Variants in C1orf185 observed in about 807,000 individuals in gnomAD.
The protein encoded by C1orf185 is uncharacterized protein C1orf185.
Under a neutral mutation model 16.1 loss-of-function variants are expected in C1orf185, and 13 were observed. The ratio of observed to expected loss-of-function variants is 0.81; its 90% CI spans 0.53 to 1.28. The LOEUF (loss-of-function observed/expected upper bound fraction) is 1.28. C1orf185 is among the 50% of genes most tolerant of loss of function. The probability of loss-of-function intolerance (pLI) is 0.00; values close to 1 mark genes in which losing one functional copy is unlikely to be tolerated. For missense variants in C1orf185, 220 were observed against 225.2 expected (o/e 0.98, Z 0.15); for synonymous variants, 80 against 76.9 (o/e 1.04, Z -0.21).
chr1:51,147,098 T>C (rs577306382), intron 4 of C1orf185, among the ~76,000 whole-genome samples: 6 of 152,292 alleles, frequency 3.9e-5, no homozygotes, highest in Admixed American at 3.3e-4. Flanking sequence ...TCTCAGAAAG[T>C]TGAATTTGTA....
At chr1:51,138,731 A>C (rs1646344140) in intron 3 of C1orf185, among the ~76,000 whole-genome samples, 1 of 151,820 alleles carries the variant, frequency 6.6e-6, no homozygotes. Flanking sequence ...TCTATCGCCC[A>C]GGCTGTAGTG....
chr1:51,108,517 T>C (rs1011521389), intron 1 of C1orf185, among the ~76,000 whole-genome samples: 8 of 152,174 alleles, frequency 5.3e-5, no homozygotes, highest in Admixed American at 4.6e-4. Flanking sequence ...CATCAAACAT[T>C]AGAGAACATA....
chr1:51,106,940 G>A (rs2148008365), intron 1 of C1orf185, among the ~76,000 whole-genome samples: 1 of 152,148 alleles, frequency 6.6e-6, no homozygotes, highest in African/African-American at 2.4e-5. Flanking sequence ...TGTATTTTTA[G>A]TAGAGACAGG....
chr1:51,109,515 A>AT (rs36020010), intron 1 of C1orf185, among the ~76,000 whole-genome samples: 121,771 of 150,576 alleles, frequency 0.81, 51,768 homozygotes, highest in South Asian at 0.94. Context: ...CATTTCCCCT[A>AT]TTTTTTTTTC....
intron 1 of C1orf185, among the ~76,000 whole-genome samples, chr1:51,106,385 T>C (rs909847435): frequency 2.0e-5 from 3 of 152,000 alleles, no homozygotes; most frequent in African/African-American, 4.8e-5. Context: ...CTTTTTTTTT[T>C]AAACAAAATT....
intron 3 of C1orf185, among the ~76,000 whole-genome samples, chr1:51,141,299 T>G (rs1207045078): frequency 6.6e-6 from 1 of 152,094 alleles, no homozygotes; most frequent in Non-Finnish European, 1.5e-5. Flanking sequence ...AGACTAGCCT[T>G]GGCAACACAG....
intron 3 of C1orf185, among the ~76,000 whole-genome samples, chr1:51,121,669 G>C (rs1159295716): frequency 6.6e-6 from 1 of 151,810 alleles, no homozygotes; most frequent in Non-Finnish European, 1.5e-5. Context: ...GACCTCTATG[G>C]GGCAGGAGGA....
downstream of C1orf185, among the ~76,000 whole-genome samples, chr1:51,149,632 T>C (rs2148036390): frequency 6.6e-6 from 1 of 152,310 alleles, no homozygotes; most frequent in Admixed American, 6.5e-5. Flanking sequence ...AGATAAGAGA[T>C]TCTGGCTTTC....
intron 1 of C1orf185, among the ~76,000 whole-genome samples, chr1:51,106,836 C>A (rs1001875266): frequency 1.1e-4 from 16 of 150,568 alleles, no homozygotes; most frequent in African/African-American, 3.7e-4. Flanking sequence ...CAGCTCACTG[C>A]AACCTCCAAC....
chr1:51,127,223 T>A (rs1646248051), intron 3 of C1orf185, among the ~76,000 whole-genome samples: 1 of 152,110 alleles, frequency 6.6e-6, no homozygotes, highest in Non-Finnish European at 1.5e-5. Context: ...CTAAGAAAAT[T>A]CTCTCATGTC....
chr1:51,120,967 TTTTA>T (rs1473020553), intron 3 of C1orf185, among the ~76,000 whole-genome samples: 1 of 152,320 alleles, frequency 6.6e-6, no homozygotes, highest in East Asian at 1.9e-4. Context: ...TTCAGGATTC[TTTTA>T]TTTATTTTTT....
chr1:51,109,714 A>G (rs1646101971), intron 1 of C1orf185, among the ~76,000 whole-genome samples: 1 of 151,918 alleles, frequency 6.6e-6, no homozygotes, highest in Non-Finnish European at 1.5e-5. Flanking sequence ...ATGTAGATTT[A>G]TTTCTGGGTT....
intron 2 of C1orf185, among the ~76,000 whole-genome samples, chr1:51,118,349 T>C (rs1454243801): frequency 6.6e-6 from 1 of 152,220 alleles, no homozygotes; most frequent in East Asian, 1.9e-4. Context: ...ACTAATTTTC[T>C]CACAACCAGA....
downstream of C1orf185, among the ~76,000 whole-genome samples, chr1:51,150,039 C>T (rs1052596313): frequency 6.6e-6 from 1 of 152,100 alleles, no homozygotes; most frequent in African/African-American, 2.4e-5. Context: ...TATAAGAAAT[C>T]CCCCTTTTGG....
chr1:51,143,121 G>GT (rs2148032796), intron 3 of C1orf185, among the ~76,000 whole-genome samples: 1 of 151,982 alleles, frequency 6.6e-6, no homozygotes, highest in African/African-American at 2.4e-5. Context: ...CAAGATGTTT[G>GT]TTTTTTGTTT....
intron 3 of C1orf185, among the ~76,000 whole-genome samples, chr1:51,143,782 C>T (rs975546591): frequency 6.6e-6 from 1 of 152,198 alleles, no homozygotes; most frequent in Admixed American, 6.5e-5. Flanking sequence ...TGCGCCTCAA[C>T]CCCCAGAGTA....
chr1:51,129,900 C>T (rs1646270469), intron 3 of C1orf185, among the ~76,000 whole-genome samples: 1 of 152,194 alleles, frequency 6.6e-6, no homozygotes, highest in Non-Finnish European at 1.5e-5. Flanking sequence ...CTAATATCAT[C>T]ACATTGAGGG....
At chr1:51,119,968 T>C (rs1235542385) in intron 3 of C1orf185, among the ~76,000 whole-genome samples, 1 of 152,084 alleles carries the variant, frequency 6.6e-6, no homozygotes, top group African/African-American at 2.4e-5. Flanking sequence ...GCTCACAAAG[T>C]TGAAGAAGTG....
chr1:51,146,102 A>G (rs1344255607), intron 4 of C1orf185, among the ~76,000 whole-genome samples: 1 of 152,220 alleles, frequency 6.6e-6, no homozygotes, highest in Non-Finnish European at 1.5e-5. Context: ...AATTTTAGAG[A>G]TGCTGAATAT....
Sources: gnomAD v4.1 joint callset for allele counts (sites outside exome capture counted in the v4.1 genomes callset) on GRCh38, gnomAD v4.1.1 for gene constraint, MANE v1.5 for transcripts, NCBI Gene and HGNC (gene_info 2026-07-23, HGNC 2026-07-21) for gene names.